DLG2: variants seen among roughly 807,000 people sequenced by gnomAD.
DLG2 encodes disks large homolog 2.
In DLG2, 45 loss-of-function variants were observed where a neutral mutation model predicts 132.5. That is an observed-to-expected ratio of 0.34 (90% CI 0.27 to 0.44). The LOEUF (loss-of-function observed/expected upper bound fraction) is 0.44, where lower values mean the gene tolerates loss of function less well. Among genes scored for constraint, DLG2 ranks in the 20% least tolerant of loss-of-function variants. The probability of loss-of-function intolerance (pLI) is 1.00; values close to 1 mark genes in which losing one functional copy is unlikely to be tolerated. For synonymous variants in DLG2, 424 were observed against 419.6 expected (o/e 1.01, Z -0.13); for missense variants, 1,045 against 1,196.9 (o/e 0.87, Z 1.87).
At chr11:84,068,700 A>C (rs539750718) in intron 10 of DLG2, among the ~76,000 whole-genome samples, 1 of 152,352 alleles carries the variant, frequency 6.6e-6, no homozygotes, top group African/African-American at 2.4e-5. Flanking sequence ...AGTATTTATA[A>C]AAGCACTCAT....
chr11:84,098,766 T>G (rs577218187), intron 10 of DLG2, among the ~76,000 whole-genome samples, 157 bp downstream of exon 10: 1 of 152,312 alleles, frequency 6.6e-6, no homozygotes, highest in South Asian at 2.1e-4. Flanking sequence ...ATTCAATCAG[T>G]AGCAAAAGAT....
intron 25 of DLG2, 36 bp downstream of exon 25, chr11:83,469,165 T>C: frequency 1.3e-6 from 2 of 1,494,066 alleles, no homozygotes; most frequent in Non-Finnish European, 1.8e-6. Context: ...CTAGAAACCT[T>C]CTTCAGGGGA....
chr11:85,209,709 G>C lies in DLG2; in HGVS notation c.187-55058C>G, dbSNP rs542683014. Reference sequence around the variant, plus strand: ...CCCGCCTCGGCCTCCCAAAGTTCTGGGATTATAGGCATGAGCCACCATAAC... The same window carrying C: ...CCCGCCTCGGCCTCCCAAAGTTCTGCGATTATAGGCATGAGCCACCATAAC... On this transcript the variant is annotated intron_variant, in intron 4 of 27. Transcript: ENST00000376104. 7.3e-5 allele frequency among the ~76,000 whole-genome samples: 11 copies of C among 150,338 alleles called. No individual in the cohort carries two copies. In the South Asian group the frequency reaches 2.3e-3, roughly 32 times the overall value.
chr11:84,753,095 G>A (rs2066390352), intron 6 of DLG2, among the ~76,000 whole-genome samples: 1 of 152,120 alleles, frequency 6.6e-6, no homozygotes, highest in Non-Finnish European at 1.5e-5. Context: ...GAAGTTATTA[G>A]CAAATGAGTC....
chr11:84,810,354 A>G (rs2076422343), intron 6 of DLG2, among the ~76,000 whole-genome samples: 1 of 152,150 alleles, frequency 6.6e-6, no homozygotes, highest in South Asian at 2.1e-4. Context: ...ATGTGAAAAG[A>G]TGTTCAATAT....
At chr11:84,190,031 C>T (rs1458721039) in intron 8 of DLG2, among the ~76,000 whole-genome samples, 3 of 151,514 alleles carry the variant, frequency 2.0e-5, no homozygotes, top group Admixed American at 6.6e-5. Context: ...AAGGACAAAC[C>T]GCACAGTAAG....
At chr11:85,449,268 T>C (rs531989653) in intron 3 of DLG2, among the ~76,000 whole-genome samples, 2 of 152,256 alleles carry the variant, frequency 1.3e-5, no homozygotes, top group African/African-American at 4.8e-5. Context: ...GCCACATTAA[T>C]TCTAGTCTCT....
At chr11:85,478,627 C>T (rs966844862) in intron 3 of DLG2, among the ~76,000 whole-genome samples, 1 of 152,110 alleles carries the variant, frequency 6.6e-6, no homozygotes, top group African/African-American at 2.4e-5. Context: ...GCTGAGTTTG[C>T]TTATTTGTAA....
At chr11:83,627,045 C>T (rs2062657928) in intron 19 of DLG2, among the ~76,000 whole-genome samples, 1 of 152,154 alleles carries the variant, frequency 6.6e-6, no homozygotes, top group Admixed American at 6.6e-5. Context: ...ACAACCAATT[C>T]TGTGGTCTCT....
chr11:84,499,749 C>CCTCT (rs145968511), intron 7 of DLG2, among the ~76,000 whole-genome samples: 18 of 148,408 alleles, frequency 1.2e-4, no homozygotes, highest in African/African-American at 4.4e-4. Context: ...TATATTCCTT[C>CCTCT]CTCTCTCTCT....
chr11:84,226,223 T>A (rs910264597), intron 8 of DLG2, among the ~76,000 whole-genome samples: 1 of 152,262 alleles, frequency 6.6e-6, no homozygotes, highest in Admixed American at 6.5e-5. Flanking sequence ...ACATAAATAT[T>A]TTTTGTGCTA....
At chr11:84,147,926 C>T (rs1373543319) in intron 9 of DLG2, among the ~76,000 whole-genome samples, 1 of 151,838 alleles carries the variant, frequency 6.6e-6, no homozygotes, top group Non-Finnish European at 1.5e-5. Context: ...GTATCTAGTT[C>T]TAGGAACTCT....
intron 18 of DLG2, among the ~76,000 whole-genome samples, chr11:83,745,754 A>C (rs1174749847): frequency 6.6e-6 from 1 of 152,062 alleles, no homozygotes; most frequent in African/African-American, 2.4e-5. Context: ...GTGAGCCAAG[A>C]TCATGCCACT....
chr11:84,445,217 A>ATAAC (rs1213064979), intron 7 of DLG2, among the ~76,000 whole-genome samples: 1 of 152,182 alleles, frequency 6.6e-6, no homozygotes, highest in Non-Finnish European at 1.5e-5. Flanking sequence ...TTTACTCACA[A>ATAAC]TAACTATCAG....
chr11:84,186,684 G>T (rs201582703), intron 8 of DLG2, among the ~76,000 whole-genome samples: 1 of 151,984 alleles, frequency 6.6e-6, no homozygotes, highest in East Asian at 1.9e-4. Context: ...CTCCTATCTA[G>T]ATTGCCAGTT....
At chr11:85,504,801 G>T (rs927286707) in intron 3 of DLG2, among the ~76,000 whole-genome samples, 16 of 152,134 alleles carry the variant, frequency 1.1e-4, no homozygotes, top group African/African-American at 3.9e-4. Flanking sequence ...AATTACCTTG[G>T]ACAGTATGGC....
chr11:85,389,839 A>C (rs286026), intron 3 of DLG2, among the ~76,000 whole-genome samples: 118,007 of 151,982 alleles, frequency 0.78, 46,269 homozygotes, highest in Middle Eastern at 0.87. Flanking sequence ...CCAAGCCAGC[A>C]CTATAAGAAT....
At chr11:84,708,993 GCACCAA>G (rs2060079021) in intron 6 of DLG2, among the ~76,000 whole-genome samples, 1 of 151,822 alleles carries the variant, frequency 6.6e-6, no homozygotes, top group East Asian at 1.9e-4. Flanking sequence ...ATACCATCAG[GCACCAA>G]TACATCTGGT....
At chr11:84,296,651 G>A (rs2098092542) in intron 7 of DLG2, among the ~76,000 whole-genome samples, 1 of 152,120 alleles carries the variant, frequency 6.6e-6, no homozygotes, top group Admixed American at 6.6e-5. Context: ...TGTTGCTCAG[G>A]CTGGTCTCCA....
Sources: allele counts gnomAD v4.1 joint callset (sites outside exome capture counted in the v4.1 genomes callset), GRCh38; gene constraint gnomAD v4.1.1; transcripts MANE v1.5; gene names NCBI Gene and HGNC (gene_info 2026-07-23, HGNC 2026-07-21).